Variants in CTNNA2 observed in about 807,000 individuals in gnomAD.
The protein encoded by CTNNA2 is catenin alpha 2.
Under a neutral mutation model 101.0 loss-of-function variants are expected in CTNNA2, and 42 were observed. The observed-to-expected ratio is 0.42, with a 90% CI of 0.32 to 0.54. The LOEUF is 0.54. CTNNA2 is among the 20% of genes least tolerant of loss of function. The pLI, the probability that CTNNA2 is intolerant of heterozygous loss-of-function variation, is 0.14. For missense variants in CTNNA2, 871 were observed against 1,223.1 expected (o/e 0.71, Z 4.29); for synonymous variants, 450 against 456.4 (o/e 0.99, Z 0.18).
rs553285683 is a variant in CTNNA2 at position 80,281,608 on chromosome 2, T to C, written c.1057-111603T>C. ...AGGGCCCTTGGTTCTTACTTTTTTTTCCCTTCATTATCTTCAGCTGGACTG... is the reference window on the plus strand; with the variant it reads ...AGGGCCCTTGGTTCTTACTTTTTTTCCCCTTCATTATCTTCAGCTGGACTG... On this transcript the variant is annotated intron_variant, in intron 7 of 18. Coordinates refer to ENST00000402739, the MANE Select transcript of CTNNA2 (RefSeq NM_001282597.3). 3.5e-3 allele frequency among the ~76,000 whole-genome samples: 540 copies of C among 152,168 alleles called. 5 individuals are homozygous for C. Among genetic ancestry groups the C allele is most frequent in the African/African-American group, 0.012 (514 of 41,520 alleles).
chr2:79,544,263 G>T (rs961284809), intron 1 of CTNNA2, among the ~76,000 whole-genome samples: 8 of 152,156 alleles, frequency 5.3e-5, no homozygotes, highest in African/African-American at 1.9e-4. Flanking sequence ...TGAATGAATA[G>T]TGTGTAGTTG....
intron 7 of CTNNA2, among the ~76,000 whole-genome samples, chr2:79,992,220 C>T (rs561313787): frequency 3.3e-5 from 5 of 152,134 alleles, no homozygotes; most frequent in Middle Eastern, 3.4e-3. Flanking sequence ...TTAGAAAGAA[C>T]CACATTTATA....
At chr2:79,317,354 G>A (rs1002709342) in intron 3 of CTNNA2, among the ~76,000 whole-genome samples, 2 of 152,086 alleles carry the variant, frequency 1.3e-5, no homozygotes, top group Admixed American at 6.5e-5. Flanking sequence ...AACAGGTAGT[G>A]GTCCATAGTT....
Position 79,927,069 on chromosome 2 carries a change from A to G in CTNNA2, c.1056+17272A>G, listed in dbSNP as rs537877419. On this transcript the variant is annotated intron_variant, in intron 7 of 18. Transcript: ENST00000402739. ...GGGATGACATAAAGCAAAATTTGTT[A>G]TAGGAATGTGTATGGTACATTCTGA... Among the ~76,000 whole-genome samples, 4 of 152,272 alleles carry G rather than the reference A, an allele frequency of 2.6e-5. No homozygotes were observed. The South Asian group carries it at 8.3e-4, about 32-fold the overall frequency.
In CTNNA2 at chr2:80,031,272, A is replaced by G. The variant is rs1291075701; in HGVS notation, c.1056+121475A>G. ...CACGTTAACATTGTTGACCCTAGAG[A>G]GGAGAGTGTGTATTAGTCCATTTTC... On this transcript the variant is annotated intron_variant, in intron 7 of 18. Transcript: ENST00000402739. 2.6e-5 allele frequency among the ~76,000 whole-genome samples: 4 copies of G among 152,186 alleles called. No individual in the cohort carries two copies. In the East Asian group the frequency reaches 7.7e-4, roughly 29 times the overall value.
intron 7 of CTNNA2, among the ~76,000 whole-genome samples, chr2:79,917,916 C>T (rs1335427949): frequency 2.0e-5 from 3 of 152,048 alleles, no homozygotes; most frequent in Non-Finnish European, 1.5e-5. Flanking sequence ...GTTCTGGATA[C>T]AGTACCCATC....
intron 1 of CTNNA2, among the ~76,000 whole-genome samples, chr2:79,648,971 C>T (rs1159319164): frequency 1.3e-5 from 2 of 152,198 alleles, no homozygotes; most frequent in East Asian, 1.9e-4. Flanking sequence ...AAGATTGATC[C>T]TCAAAGGAAT....
Position 79,242,969 on chromosome 2 carries a change from A to AATATATATATATATATATATAT in CTNNA2, c.-406+44897_-406+44918dup, listed in dbSNP as rs137898899. ...GCAACAAAGTAAGATCCTGTCTCGA[A>AATATATATATATATATATATAT]ATATATATATATATATATATATATA... On this transcript the variant is annotated intron_variant, in intron 2 of 21. Coordinates refer to the CTNNA2 transcript ENST00000466387. Among the ~76,000 whole-genome samples, 91 of 127,324 alleles carry AATATATATATATATATATATAT rather than the reference A, an allele frequency of 7.1e-4. 1 individual carries two copies. The highest frequency in any genetic ancestry group is 1.1e-3 in the Admixed American group (13 of 12,220). 83.5% of individuals were successfully genotyped at this position (127,324 alleles called of 152,430 possible).
chr2:79,348,890 G>A (rs529260648), intron 3 of CTNNA2, among the ~76,000 whole-genome samples: 51 of 152,084 alleles, frequency 3.4e-4, no homozygotes, highest in African/African-American at 1.2e-3. Context: ...TAAATACAAA[G>A]CAGTTCATTG....
At chr2:79,809,305 A>G (rs1184848976) in intron 3 of CTNNA2, among the ~76,000 whole-genome samples, 2 of 152,246 alleles carry the variant, frequency 1.3e-5, no homozygotes. Flanking sequence ...GTATACACCC[A>G]GTAATGGGAT....
At chr2:80,018,685 G>C (rs1287491334) in intron 7 of CTNNA2, among the ~76,000 whole-genome samples, 1 of 151,772 alleles carries the variant, frequency 6.6e-6, no homozygotes, top group East Asian at 1.9e-4. Flanking sequence ...GGAGGCTGAG[G>C]CAGGAGAATC....
chr2:79,222,326 C>T (rs529047140), intron 2 of CTNNA2, among the ~76,000 whole-genome samples: 9 of 152,194 alleles, frequency 5.9e-5, no homozygotes, highest in Non-Finnish European at 1.2e-4. Context: ...TGACCCTTGA[C>T]TGAGGGAATG....
At chr2:80,596,888 T>C (rs1697033376) in intron 15 of CTNNA2, among the ~76,000 whole-genome samples, 1 of 152,202 alleles carries the variant, frequency 6.6e-6, no homozygotes, top group Admixed American at 6.5e-5. Context: ...GTTCCATCAA[T>C]GCCTAGTTTG....
chr2:80,567,241 C>T (rs1467594459), intron 12 of CTNNA2, among the ~76,000 whole-genome samples: 2 of 123,728 alleles, frequency 1.6e-5, no homozygotes, highest in Non-Finnish European at 3.7e-5. Context: ...TCATGACATT[C>T]GTTACTAAAA....
intron 1 of CTNNA2, among the ~76,000 whole-genome samples, chr2:79,622,668 G>T (rs1679069049): frequency 6.6e-6 from 1 of 152,180 alleles, no homozygotes; most frequent in Non-Finnish European, 1.5e-5. Context: ...TTTGGATGTG[G>T]ATAGTGGTTC....
intron 3 of CTNNA2, among the ~76,000 whole-genome samples, chr2:79,812,783 G>A (rs1677153848): frequency 6.6e-6 from 1 of 152,110 alleles, no homozygotes; most frequent in African/African-American, 2.4e-5. Context: ...TGAGAGACCT[G>A]CTGGGTGATA....
At chr2:79,419,830 C>T (rs1678522556) in intron 4 of CTNNA2, among the ~76,000 whole-genome samples, 1 of 152,128 alleles carries the variant, frequency 6.6e-6, no homozygotes, top group Non-Finnish European at 1.5e-5. Context: ...CAGTATGACA[C>T]TGGAAGGACA....
intron 7 of CTNNA2, among the ~76,000 whole-genome samples, chr2:80,042,033 C>T (rs563138643): frequency 1.3e-5 from 2 of 152,264 alleles, no homozygotes; most frequent in African/African-American, 2.4e-5. Context: ...GGCATGATCT[C>T]GGCTCACTGC....
In CTNNA2 at chr2:80,323,356, T is replaced by C. The variant is rs574424162; in HGVS notation, c.1057-69855T>C. 2.5e-4 allele frequency among the ~76,000 whole-genome samples: 38 copies of C among 151,776 alleles called. No homozygotes were observed. In the South Asian group the frequency reaches 4.8e-3, roughly 19 times the overall value. On this transcript the variant is annotated intron_variant, in intron 7 of 18. Transcript: ENST00000402739. ...CCAGATGTGAGAATCATCGCCAAGA[T>C]CTCCTTTCTTTCTTCCCCTTCATTT...
Sources: allele counts gnomAD v4.1 joint callset (sites outside exome capture counted in the v4.1 genomes callset), GRCh38; gene constraint gnomAD v4.1.1; transcripts MANE v1.5; gene names NCBI Gene and HGNC (gene_info 2026-07-23, HGNC 2026-07-21).